Variants in PARD3B observed in about 807,000 individuals in gnomAD.
PARD3B encodes par-3 family cell polarity regulator beta, also known as partitioning defective 3 homolog B.
PARD3B carries 103 observed loss-of-function variants against 130.2 expected under a neutral mutation model. The ratio of observed to expected loss-of-function variants is 0.79; its 90% CI spans 0.67 to 0.93. The LOEUF (loss-of-function observed/expected upper bound fraction) is 0.93. Among genes scored for constraint, PARD3B ranks in the 40% least tolerant of loss-of-function variants. The pLI, the probability that PARD3B is intolerant of heterozygous loss-of-function variation, is 0.00. For synonymous variants in PARD3B, 583 were observed against 553.2 expected, an observed-to-expected ratio of 1.05 and a Z score of -0.76; for missense variants, 1,609 against 1,499.2, an observed-to-expected ratio of 1.07 and a Z score of -1.21.
chr2:204,546,250 T>C, intron 1 of PARD3B, 131 bp downstream of exon 1: 1 of 1,308,248 alleles, frequency 7.6e-7, no homozygotes, highest in South Asian at 1.4e-5. Context: ...GCAGCTGTTG[T>C]CTATTGCTAA....
Position 205,047,661 on chromosome 2 carries a change from G to A in PARD3B, c.475G>A (p.Gly159Ser). The A allele has an allele frequency of 6.4e-7, 1 of 1,550,448 alleles. No homozygotes were observed. The highest frequency in any genetic ancestry group is 1.4e-5 in the African/African-American group (1 of 73,118). Residue 159 changes from glycine (G) to serine (S), a missense_variant, in exon 4 of 23, where the codon GGT (glycine) becomes AGT (serine). Transcript: ENST00000406610. ...TACCCAGCCAAGCGCTTCACACCCTGGTGGCCAGAGTCTGAAACTGGTTGT... is the reference window on the plus strand; with the variant it reads ...TACCCAGCCAAGCGCTTCACACCCTAGTGGCCAGAGTCTGAAACTGGTTGT... ...ADTQPSASHP[G>S]GQSLKLVVPD...
In PARD3B at chr2:205,016,321, C is replaced by T. The variant is rs549405061; in HGVS notation, c.395-31260C>T. ...ACCTATCTTTTTTGACCCCGCCTAC[C>T]TCTGTTGGCTCATTTTGTGCTCTTT... On this transcript the variant is annotated intron_variant, in intron 3 of 22. Transcript: ENST00000406610. 3.3e-5 allele frequency among the ~76,000 whole-genome samples: 5 copies of T among 152,270 alleles called. No homozygotes were observed. The South Asian group carries it at 1.0e-3, about 32-fold the overall frequency.
At chr2:205,435,773 A>G (rs1281794265) in intron 19 of PARD3B, among the ~76,000 whole-genome samples, 3 of 152,024 alleles carry the variant, frequency 2.0e-5, no homozygotes, top group Non-Finnish European at 4.4e-5. Flanking sequence ...AGTTTTTTCT[A>G]TATTTTATAT....
At chr2:205,001,586 G>A (rs762625403) in intron 3 of PARD3B, among the ~76,000 whole-genome samples, 23 of 152,166 alleles carry the variant, frequency 1.5e-4, no homozygotes, top group Non-Finnish European at 2.4e-4. Flanking sequence ...TGGTTGGCAC[G>A]TGAGAGTGAT....
chr2:205,560,518 A>G (rs544424090), intron 22 of PARD3B, among the ~76,000 whole-genome samples: 1 of 152,128 alleles, frequency 6.6e-6, no homozygotes, highest in Non-Finnish European at 1.5e-5. Context: ...AGTGTCTGCA[A>G]ATTGGTACTG....
At chr2:205,081,889 A>T (rs777512329) in intron 4 of PARD3B, among the ~76,000 whole-genome samples, 1 of 152,060 alleles carries the variant, frequency 6.6e-6, no homozygotes, top group Non-Finnish European at 1.5e-5. Flanking sequence ...TGGTAATGCT[A>T]GTTTATATAA....
intron 2 of PARD3B, among the ~76,000 whole-genome samples, chr2:204,934,311 CTT>C (rs1688247015): frequency 6.6e-6 from 1 of 152,150 alleles, no homozygotes; most frequent in African/African-American, 2.4e-5. Context: ...AACAGTGACA[CTT>C]TGTGGGGAGG....
chr2:205,015,527 T>A lies in PARD3B; in HGVS notation c.395-32054T>A, dbSNP rs1211531145. On this transcript the variant is annotated intron_variant, in intron 3 of 22. Coordinates refer to ENST00000406610, the MANE Select transcript of PARD3B (RefSeq NM_001302769.2). This position sits in a 1 kb window ranked among gnomAD's most constrained non-coding sequence, Gnocchi z 4.5. ...TGTTATTCATATAGGTATAACCCAG[T>A]CTTGAGCTTCACAACAAACAGGTAT... 6.6e-6 allele frequency among the ~76,000 whole-genome samples: 1 copy of A among 152,150 alleles called. No homozygotes were observed. Among genetic ancestry groups the A allele is most frequent in the African/African-American group, 2.4e-5 (1 of 41,440 alleles).
chr2:204,802,162 CA>C (rs1327001723), intron 2 of PARD3B, among the ~76,000 whole-genome samples: 2 of 152,012 alleles, frequency 1.3e-5, no homozygotes, highest in African/African-American at 4.8e-5. Context: ...AAAACAACCG[CA>C]TCAAAAAGTG....
At chr2:204,729,998 A>ACACACAC (rs2039425997) in intron 2 of PARD3B, among the ~76,000 whole-genome samples, 29 of 141,456 alleles carry the variant, frequency 2.1e-4, no homozygotes, top group African/African-American at 4.7e-4. Flanking sequence ...CACACACACA[A>ACACACAC]ACACACACAC....
At position 205,224,268 on chromosome 2, in the gene PARD3B, G is replaced by A. The variant is rs2038405419; in HGVS notation, c.2141-21510G>A. On this transcript the variant is annotated intron_variant, in intron 15 of 22. Transcript: ENST00000406610. ...TGCCTGTAGTCCCAGCTACTCGGGA[G>A]GCTGAGGCAGGAGAATGGTGTGAGC... Among the ~76,000 whole-genome samples, 2 of 146,756 alleles carry A rather than the reference G, an allele frequency of 1.4e-5. 1 individual carries two copies. Among genetic ancestry groups the A allele is most frequent in the Non-Finnish European group, 3.0e-5 (2 of 66,648 alleles).
intron 3 of PARD3B, among the ~76,000 whole-genome samples, chr2:204,999,786 C>G (rs1381343640): frequency 6.6e-6 from 1 of 152,208 alleles, no homozygotes; most frequent in African/African-American, 2.4e-5. Flanking sequence ...TGAATTCAAT[C>G]TTTCTTAGGA....
Position 205,189,160 on chromosome 2 carries a change from C to G in PARD3B, c.2024+3297C>G, listed in dbSNP as rs1574332408. Among the ~76,000 whole-genome samples the G allele has an allele frequency of 2.0e-5, 3 of 152,308 alleles. No individual in the cohort carries two copies. The South Asian group carries it at 6.2e-4, about 32-fold the overall frequency. Reference sequence around the variant, plus strand: ...TCATATTCTCTTTCTCTCTCTCTCTCTGTCTGTTTCTTCATGCACATACCT... The same window carrying G: ...TCATATTCTCTTTCTCTCTCTCTCTGTGTCTGTTTCTTCATGCACATACCT... On this transcript the variant is annotated intron_variant, in intron 14 of 22. Coordinates refer to ENST00000406610, the MANE Select transcript of PARD3B (RefSeq NM_001302769.2).
At chr2:205,138,336 C>G (rs539572981) in intron 10 of PARD3B, among the ~76,000 whole-genome samples, 2 of 152,234 alleles carry the variant, frequency 1.3e-5, no homozygotes, top group East Asian at 3.9e-4. Context: ...CATTGTGGCT[C>G]TTGACATATA....
rs1204726401 is a variant in PARD3B at position 205,113,573 on chromosome 2, G to A, written c.676G>A (p.Gly226Arg). 1.9e-6 allele frequency: 3 copies of A among 1,609,202 alleles called. No homozygotes were observed. Among genetic ancestry groups the A allele is most frequent in the Non-Finnish European group, 2.5e-6 (3 of 1,176,690 alleles). The change falls in exon 6 of 23, where the codon GGA becomes AGA. Residue 226 changes from glycine to arginine, a missense_variant. By Grantham distance (125) the Gly-to-Arg change is moderately radical (BLOSUM62 -2). Coordinates refer to ENST00000406610, the MANE Select transcript of PARD3B (RefSeq NM_001302769.2). Reference sequence around the variant, plus strand: ...AGTGCCCTTCTTTTCATCTCTGAGTGGAAGGTAAGATGTTTTTCTCATTCC... The same window carrying A: ...AGTGCCCTTCTTTTCATCTCTGAGTAGAAGGTAAGATGTTTTTCTCATTCC... Reference protein sequence around the residue: ...HVVPFFSSLSGRILGLFIRGI... With the variant: ...HVVPFFSSLSRRILGLFIRGI...
intron 18 of PARD3B, among the ~76,000 whole-genome samples, chr2:205,333,864 C>T (rs11892186): frequency 0.016 from 2,406 of 151,862 alleles, 60 homozygotes; most frequent in African/African-American, 0.054. Context: ...AGGAGTTCAT[C>T]AAAGGTATAT....
At chr2:204,905,267 A>G (rs946718906) in intron 2 of PARD3B, among the ~76,000 whole-genome samples, 1 of 152,202 alleles carries the variant, frequency 6.6e-6, no homozygotes, top group Non-Finnish European at 1.5e-5. Flanking sequence ...TGATGTTATC[A>G]GCAGGAGTTA....
At chr2:204,821,984 T>C (rs577524623) in intron 2 of PARD3B, among the ~76,000 whole-genome samples, 63 of 152,340 alleles carry the variant, frequency 4.1e-4, no homozygotes, top group African/African-American at 1.4e-3. Flanking sequence ...GACTTTCAAG[T>C]CTTATTATTT....
chr2:204,685,090 C>G (rs1443715385), intron 1 of PARD3B, among the ~76,000 whole-genome samples: 1 of 152,138 alleles, frequency 6.6e-6, no homozygotes. Flanking sequence ...ACAACCATTT[C>G]TATTAGCTTT....
Sources: allele counts gnomAD v4.1 joint callset (sites outside exome capture counted in the v4.1 genomes callset), GRCh38; gene constraint gnomAD v4.1.1; non-coding constraint Gnocchi (gnomAD v3.1); transcripts MANE v1.5; gene names NCBI Gene and HGNC (gene_info 2026-07-23, HGNC 2026-07-21).